Variants in ST6GALNAC5 observed in about 807,000 individuals in gnomAD.
ST6GALNAC5 encodes the protein alpha-N-acetylgalactosaminide alpha-2,6-sialyltransferase 5.
ST6GALNAC5 carries 27 observed loss-of-function variants against 33.6 expected under a neutral mutation model. The ratio of observed to expected loss-of-function variants is 0.80; its 90% CI spans 0.59 to 1.11. The LOEUF (loss-of-function observed/expected upper bound fraction) is 1.11. Ranked by LOEUF, ST6GALNAC5 falls within the 50% of genes least tolerant of loss-of-function variation. The pLI, the probability that ST6GALNAC5 is intolerant of heterozygous loss-of-function variation, is 0.00. For missense variants in ST6GALNAC5, 428 were observed against 454.0 expected, an observed-to-expected ratio of 0.94 and a Z score of 0.52; for synonymous variants, 194 against 171.2, an observed-to-expected ratio of 1.13 and a Z score of -1.04.
At chr1:76,960,465 T>G (rs766395751) in intron 2 of ST6GALNAC5, among the ~76,000 whole-genome samples, 2 of 152,004 alleles carry the variant, frequency 1.3e-5, no homozygotes, top group Non-Finnish European at 2.9e-5. Flanking sequence ...CTAATGAAGT[T>G]TTGGGCACGC....
chr1:77,021,326 G>A (rs1651047104), intron 2 of ST6GALNAC5, among the ~76,000 whole-genome samples: 1 of 152,170 alleles, frequency 6.6e-6, no homozygotes, highest in Admixed American at 6.5e-5. Flanking sequence ...CAGGGGGTAT[G>A]TTGCTTTTAT....
At chr1:77,015,219 G>A (rs183124964) in intron 2 of ST6GALNAC5, among the ~76,000 whole-genome samples, 65 of 152,276 alleles carry the variant, frequency 4.3e-4, no homozygotes, top group Middle Eastern at 6.8e-3. Context: ...CAGGGGAGCT[G>A]ATGATATAAA....
In ST6GALNAC5 at chr1:77,066,746, G is replaced by C. The variant is rs999878550; in HGVS notation, c.*3540G>C. ...TTAACACTCTACATGTTTTGTATCT[G>C]ACCCAATCATTTCTTCCATTCTCAT... On this transcript the variant is annotated 3_prime_UTR_variant, in exon 5 of 5. Transcript: ENST00000477717. Among the ~76,000 whole-genome samples the C allele has an allele frequency of 6.6e-6, 1 of 152,154 alleles. No individual in the cohort carries two copies. Among genetic ancestry groups the C allele is most frequent in the African/African-American group, 2.4e-5 (1 of 41,442 alleles).
chr1:76,980,963 T>C (rs140174477), intron 2 of ST6GALNAC5, among the ~76,000 whole-genome samples: 1 of 152,056 alleles, frequency 6.6e-6, no homozygotes, highest in Non-Finnish European at 1.5e-5. Flanking sequence ...TTTTAACAAG[T>C]CATATATGTG....
intron 2 of ST6GALNAC5, among the ~76,000 whole-genome samples, chr1:76,873,102 T>C (rs1653547120): frequency 6.6e-6 from 1 of 152,242 alleles, no homozygotes; most frequent in Admixed American, 6.5e-5. Flanking sequence ...ATTCCAGGCA[T>C]GCTGGCTTTC....
chr1:76,928,646 G>C (rs374104141), intron 2 of ST6GALNAC5, among the ~76,000 whole-genome samples: 34 of 152,136 alleles, frequency 2.2e-4, no homozygotes, highest in South Asian at 4.1e-4. Context: ...AAGTGAGAAG[G>C]GTGCCTTATT....
intron 2 of ST6GALNAC5, among the ~76,000 whole-genome samples, chr1:76,967,559 AG>A (rs1240217111): frequency 2.0e-5 from 3 of 152,122 alleles, no homozygotes; most frequent in African/African-American, 7.2e-5. Context: ...AATTTTTTGA[AG>A]GGTTTTTTGT....
At chr1:77,053,058 G>T (rs1652282004) in intron 4 of ST6GALNAC5, among the ~76,000 whole-genome samples, 1 of 151,382 alleles carries the variant, frequency 6.6e-6, no homozygotes, top group Admixed American at 6.6e-5. Context: ...ACTATAAAAA[G>T]ATGCAGCTTT....
At position 77,044,211 on chromosome 1, in the gene ST6GALNAC5, A is replaced by G; in HGVS notation, c.269A>G (p.Lys90Arg). The part of the protein sequence containing the change: ...YLGVADHKPL[K>R]MHCRDCALVT... ...TCTCCCCCTGCCTTCCAGCCCCTGA[A>G]AATGCACTGCAGGGACTGTGCCCTG... Residue 90 changes from lysine (K) to arginine (R), a missense_variant, in exon 3 of 5, where the codon AAA becomes AGA. Physicochemically the swap from Lys to Arg is conservative, Grantham distance 26. Transcript: ENST00000477717. 1 of 1,597,342 alleles carries G rather than the reference A, an allele frequency of 6.3e-7. No homozygotes were observed. The highest frequency in any genetic ancestry group is 8.6e-7 in the Non-Finnish European group (1 of 1,168,452).
chr1:77,049,266 C>A (rs1652131095), intron 3 of ST6GALNAC5, among the ~76,000 whole-genome samples: 1 of 152,030 alleles, frequency 6.6e-6, no homozygotes, highest in Non-Finnish European at 1.5e-5. Flanking sequence ...CTTCCTGCAC[C>A]TCTGTTATTC....
chr1:77,057,281 G>C (rs995436837), intron 4 of ST6GALNAC5, among the ~76,000 whole-genome samples: 53 of 152,230 alleles, frequency 3.5e-4, no homozygotes, highest in African/African-American at 1.2e-3. Flanking sequence ...TCACACTATA[G>C]GAGAGAAAAA....
At chr1:77,008,204 A>G (rs1650500617) in intron 2 of ST6GALNAC5, among the ~76,000 whole-genome samples, 1 of 152,232 alleles carries the variant, frequency 6.6e-6, no homozygotes, top group Admixed American at 6.5e-5. Flanking sequence ...TTTGCCAGCT[A>G]AAACTCACTT....
intron 2 of ST6GALNAC5, among the ~76,000 whole-genome samples, chr1:76,893,577 C>T (rs1290000341): frequency 1.3e-5 from 2 of 152,142 alleles, no homozygotes; most frequent in Non-Finnish European, 2.9e-5. Context: ...ACCAATTTAG[C>T]ACAATTCCCA....
intron 2 of ST6GALNAC5, among the ~76,000 whole-genome samples, chr1:76,896,571 A>G (rs1654142083): frequency 6.6e-6 from 1 of 152,116 alleles, no homozygotes; most frequent in South Asian, 2.1e-4. Flanking sequence ...GAGGAACAGG[A>G]AAGAAGGAAA....
intron 2 of ST6GALNAC5, among the ~76,000 whole-genome samples, chr1:76,994,645 G>A (rs1415620682): frequency 6.6e-6 from 1 of 152,164 alleles, no homozygotes; most frequent in East Asian, 1.9e-4. Flanking sequence ...GAGTGTCATT[G>A]GGTTGCTATT....
At chr1:76,948,163 G>A (rs1169901209) in intron 2 of ST6GALNAC5, among the ~76,000 whole-genome samples, 4 of 152,108 alleles carry the variant, frequency 2.6e-5, no homozygotes, top group East Asian at 1.9e-4. Context: ...TCCATGAGGC[G>A]TGTCTATAAG....
intron 2 of ST6GALNAC5, among the ~76,000 whole-genome samples, chr1:76,972,716 G>A (rs182502958): frequency 6.6e-6 from 1 of 152,136 alleles, no homozygotes; most frequent in Admixed American, 6.5e-5. Context: ...CTACAAGCAG[G>A]TGCATCTGTC....
At chr1:77,004,122 A>G (rs1482483401) in intron 2 of ST6GALNAC5, among the ~76,000 whole-genome samples, 79 of 151,268 alleles carry the variant, frequency 5.2e-4, no homozygotes, top group African/African-American at 1.7e-3. Context: ...ATCACTTTCA[A>G]GTACACCAAT....
At chr1:76,957,117 C>G (rs1648032195) in intron 2 of ST6GALNAC5, among the ~76,000 whole-genome samples, 1 of 152,158 alleles carries the variant, frequency 6.6e-6, no homozygotes, top group South Asian at 2.1e-4. Flanking sequence ...ACTGCTATAA[C>G]AAATTACCAC....
Sources: allele counts gnomAD v4.1 joint callset (sites outside exome capture counted in the v4.1 genomes callset), GRCh38; gene constraint gnomAD v4.1.1; transcripts MANE v1.5; gene names NCBI Gene and HGNC (gene_info 2026-07-23, HGNC 2026-07-21).